The following ADA2 variants were observed in gnomAD, a reference collection of about 807,000 sequenced individuals.
ADA2 encodes the protein adenosine deaminase CECR1.
In ADA2, 29 loss-of-function variants were observed where a neutral mutation model predicts 44.2. The observed-to-expected ratio is 0.66, with a 90% CI of 0.49 to 0.89. The LOEUF is 0.89. ADA2 is among the 40% of genes least tolerant of loss of function. ADA2 has a pLI of 0.00. For synonymous variants in ADA2, 215 were observed against 234.9 expected (o/e 0.92, Z 0.77); for missense variants, 637 against 644.8 (o/e 0.99, Z 0.13).
intron 4 of ADA2, among the ~76,000 whole-genome samples, chr22:17,194,978 A>T (rs1272287315): frequency 1.3e-5 from 2 of 151,962 alleles, no homozygotes; most frequent in Non-Finnish European, 2.9e-5. Flanking sequence ...CACCGGAAAC[A>T]GAAAGTTGTT....
At chr22:17,182,976 C>A (rs1329314404) in intron 7 of ADA2, among the ~76,000 whole-genome samples, 2 of 152,140 alleles carry the variant, frequency 1.3e-5, no homozygotes, top group Non-Finnish European at 2.9e-5. Context: ...TTAAATTAAT[C>A]ATCTAATTTA....
chr22:17,214,515 G>T lies in ADA2; in HGVS notation c.-46-4792C>A, dbSNP rs867514720. 5.8e-4 allele frequency among the ~76,000 whole-genome samples: 89 copies of T among 152,228 alleles called. 1 individual carries two copies. Among genetic ancestry groups the T allele is most frequent in the Admixed American group, 2.0e-4 (3 of 15,276 alleles). On this transcript the variant is annotated intron_variant, in intron 1 of 9. Coordinates refer to ENST00000399837, the MANE Select transcript of ADA2 (RefSeq NM_001282225.2). The stretch of plus-strand genomic sequence containing the variant: ...GAGGCCAGCCAGCTGTCTTCTCCAG[G>T]ATCAGATGGACTCCAGAGGATAAGG...
chr22:17,206,003 T>A (rs1306910754), intron 3 of ADA2, among the ~76,000 whole-genome samples: 3 of 152,138 alleles, frequency 2.0e-5, no homozygotes, highest in Non-Finnish European at 2.9e-5. Flanking sequence ...CTGTCTTAAA[T>A]AGTAATAATA....
intron 1 of ADA2, among the ~76,000 whole-genome samples, chr22:17,215,711 G>A (rs1259439265): frequency 6.6e-6 from 1 of 152,146 alleles, no homozygotes; most frequent in Admixed American, 6.6e-5. Context: ...GACAAACACC[G>A]TATGTTCCCA....
rs1254120583 is a variant in ADA2 at position 17,211,016 on chromosome 22, C to A, written c.-46-1293G>T. ...CTTTGACCTCACCACTGCACTCCAG[C>A]CTTGGCAACAGATCAAGACCTTGTC... On this transcript the variant is annotated intron_variant, in intron 1 of 9. Coordinates refer to ENST00000399837, the MANE Select transcript of ADA2 (RefSeq NM_001282225.2). Among the ~76,000 whole-genome samples, 9 of 152,140 alleles carry A rather than the reference C, an allele frequency of 5.9e-5. No individual in the cohort carries two copies. The East Asian group carries it at 1.7e-3, about 29-fold the overall frequency.
chr22:17,209,249 C>A (rs2062390432), intron 2 of ADA2, 107 bp downstream of exon 2: 7 of 953,866 alleles, frequency 7.3e-6, no homozygotes, highest in Non-Finnish European at 1.1e-5. Context: ...CTGAGTGAGG[C>A]TTTCTCTGCT....
intron 3 of ADA2, among the ~76,000 whole-genome samples, chr22:17,205,555 CTG>C (rs1231801218): frequency 6.6e-6 from 1 of 152,206 alleles, no homozygotes; most frequent in Non-Finnish European, 1.5e-5. Flanking sequence ...CATTTACCAG[CTG>C]TGTGTCCTTG....
At position 17,188,421 on chromosome 22, in the gene ADA2, G is replaced by A. The variant is rs748143597; in HGVS notation, c.999C>T (p.Ser333=). Residue 333 remains serine, a synonymous_variant, in exon 7 of 10, where the codon TCC becomes TCT. Coordinates refer to ENST00000399837, the MANE Select transcript of ADA2 (RefSeq NM_001282225.2). ...TCAGAGCTTCCTTGTAGTCATGCAA[G>A]GAGTGGCCAGTGTCCTCATGCCCCA... ...DLVGHEDTGH[S]LHDYKEALMI... is the part of the protein sequence containing the mutation. 1.2e-6 allele frequency: 2 copies of A among 1,613,856 alleles called. No individual in the cohort carries two copies. Among genetic ancestry groups the A allele is most frequent in the Non-Finnish European group, 1.7e-6 (2 of 1,179,770 alleles).
At chr22:17,220,294 C>A (rs542048576), upstream of ADA2, among the ~76,000 whole-genome samples, 1 of 152,110 alleles carries the variant, frequency 6.6e-6, no homozygotes, top group African/African-American at 2.4e-5. Context: ...GCAAGAACAA[C>A]GCTCCAAGGG....
At chr22:17,192,771 G>C (rs2062134879) in intron 4 of ADA2, among the ~76,000 whole-genome samples, 1 of 151,790 alleles carries the variant, frequency 6.6e-6, no homozygotes, top group African/African-American at 2.4e-5. Flanking sequence ...AGAGGTTGCA[G>C]TGAGCCAAGA....
chr22:17,188,200 T>C (rs980932650), intron 7 of ADA2, 139 bp downstream of exon 7: 46 of 567,614 alleles, frequency 8.1e-5, no homozygotes, highest in African/African-American at 7.0e-4. Flanking sequence ...CATGGGGCTG[T>C]TGTCAGGATT....
In ADA2 at chr22:17,206,919, G is replaced by A. The variant is rs552571825; in HGVS notation, c.542+152C>T. ...TCCGCTCGCCTTGGCCTCCCAAAGT[G>A]CTGGGATTATAGGCGTGAACCACCG... On this transcript the variant is annotated intron_variant, in intron 3 of 9. Transcript: ENST00000399837. 1.5e-5 allele frequency: 9 copies of A among 608,428 alleles called. No homozygotes were observed. In the East Asian group the frequency reaches 2.0e-4, roughly 13 times the overall value. The allele number at this position is 608,428 out of a possible 1,614,324, so 37.7% of individuals were successfully genotyped here.
chr22:17,212,037 T>C (rs963155397), intron 1 of ADA2, among the ~76,000 whole-genome samples: 4 of 152,024 alleles, frequency 2.6e-5, no homozygotes, highest in East Asian at 1.9e-4. Flanking sequence ...TCTTTTCTTT[T>C]GTGGGGGACG....
chr22:17,209,248 G>T, intron 2 of ADA2, 108 bp downstream of exon 2: 1 of 942,174 alleles, frequency 1.1e-6, no homozygotes, highest in Non-Finnish European at 1.6e-6. Context: ...GCTGAGTGAG[G>T]CTTTCTCTGC....
At chr22:17,196,129 C>T (rs2062187801) in intron 4 of ADA2, among the ~76,000 whole-genome samples, 1 of 151,720 alleles carries the variant, frequency 6.6e-6, no homozygotes, top group Admixed American at 6.6e-5. Flanking sequence ...AGTGGATCAC[C>T]TGATGTCAGT....
chr22:17,186,443 G>A (rs2062036651), intron 7 of ADA2, among the ~76,000 whole-genome samples: 1 of 151,704 alleles, frequency 6.6e-6, no homozygotes, highest in South Asian at 2.1e-4. Context: ...TTAGCCGGGT[G>A]TGTTGGTGGG....
chr22:17,215,266 GT>G (rs2062458320), intron 1 of ADA2, among the ~76,000 whole-genome samples: 1 of 152,208 alleles, frequency 6.6e-6, no homozygotes, highest in Admixed American at 6.5e-5. Context: ...GAAAGAAAAT[GT>G]GGCATATATA....
intron 1 of ADA2, among the ~76,000 whole-genome samples, chr22:17,210,051 C>T (rs868279661): frequency 7.9e-5 from 12 of 151,806 alleles, no homozygotes; most frequent in African/African-American, 2.4e-4. Flanking sequence ...CCACCATGCC[C>T]GGCTAATTTT....
In ADA2 at chr22:17,189,266, C is replaced by T. The variant is rs546821456; in HGVS notation, c.972+676G>A. 1.1e-4 allele frequency among the ~76,000 whole-genome samples: 17 copies of T among 152,164 alleles called. No homozygotes were observed. The South Asian group carries it at 3.1e-3, about 28-fold the overall frequency. ...TTCAGACCTCAGGTGATCCACCTGT[C>T]TCGCCCTCCCAAAGTGCTGAGGGCA... On this transcript the variant is annotated intron_variant, in intron 6 of 9. Coordinates refer to ENST00000399837, the MANE Select transcript of ADA2 (RefSeq NM_001282225.2).
Sources: gnomAD v4.1 joint callset for allele counts (sites outside exome capture counted in the v4.1 genomes callset) on GRCh38, gnomAD v4.1.1 for gene constraint, MANE v1.5 for transcripts, NCBI Gene and HGNC (gene_info 2026-07-23, HGNC 2026-07-21) for gene names.